Variants in PLEC observed in about 807,000 individuals in gnomAD.
PLEC encodes plectin.
In PLEC, 216 loss-of-function variants were observed where a neutral mutation model predicts 392.8. The observed-to-expected ratio is 0.55, with a 90% CI of 0.49 to 0.62. PLEC has a LOEUF of 0.62. PLEC is among the 20% of genes least tolerant of loss of function. The pLI is 0.00. For missense variants in PLEC, 6,863 were observed against 6,563.4 expected (o/e 1.05, Z -1.58); for synonymous variants, 3,621 against 2,980.6 (o/e 1.21, Z -7.00).
chr8:143,972,541 G>C (rs185179735), intron 1 of PLEC, among the ~76,000 whole-genome samples: 1 of 152,228 alleles, frequency 6.6e-6, no homozygotes, highest in Non-Finnish European at 1.5e-5. Flanking sequence ...GCTGCCCTTG[G>C]GGGCAGAGCC....
At chr8:143,960,326 T>G (rs182509335) in intron 1 of PLEC, among the ~76,000 whole-genome samples, 2 of 149,172 alleles carry the variant, frequency 1.3e-5, no homozygotes. Flanking sequence ...TAAAATAAAA[T>G]AAAAACTTAG....
chr8:143,939,793 C>T (rs1305448416), upstream of PLEC, among the ~76,000 whole-genome samples: 1 of 149,806 alleles, frequency 6.7e-6, no homozygotes, highest in Non-Finnish European at 1.5e-5. Context: ...CCGACCACTG[C>T]AGCCCCCTAG....
upstream of PLEC, chr8:143,942,607 CT>C: frequency 7.1e-7 from 1 of 1,414,212 alleles, no homozygotes; most frequent in Non-Finnish European, 9.3e-7. Flanking sequence ...CGCTGCGAGG[CT>C]GCCGGCTTCG....
chr8:143,970,757 AC>A, intron 1 of PLEC, among the ~76,000 whole-genome samples: 1 of 151,986 alleles, frequency 6.6e-6, no homozygotes, highest in African/African-American at 2.4e-5. Flanking sequence ...GCCCTGCCAC[AC>A]CCACCCCAGG....
chr8:143,948,943 T>G (rs1423789721), intron 1 of PLEC, among the ~76,000 whole-genome samples: 2 of 152,182 alleles, frequency 1.3e-5, no homozygotes, highest in Non-Finnish European at 2.9e-5. Flanking sequence ...AGTCTTTGTC[T>G]CATGCCTCCT....
chr8:143,954,136 G>C (rs1832460323), upstream of PLEC, among the ~76,000 whole-genome samples: 2 of 147,950 alleles, frequency 1.4e-5, no homozygotes, highest in South Asian at 4.3e-4. The surrounding 1 kb of genome is among the most constrained non-coding windows in gnomAD (Gnocchi z 4.6). Flanking sequence ...GCCATGCTTA[G>C]AACAGCCTGT....
rs984387491 is a variant in PLEC at position 143,924,519 on chromosome 8, C to A, written c.5410G>T (p.Ala1804Ser). Residue 1804 changes from alanine (A) to serine (S), a missense_variant, in exon 31 of 32, where the codon GCC becomes TCC. Physicochemically the swap from Ala to Ser is moderately conservative, Grantham distance 99. Transcript: ENST00000345136. ...TCTTCCGCCAGGGCACGCAGGCGGG[C>A]GGCCTCCTCGGCCAGCTCGCGGAAC... ...GRFRELAEEA[A>S]RLRALAEEAK... 1 of 1,535,360 alleles carries A rather than the reference C, an allele frequency of 6.5e-7. No individual in the cohort carries two copies. The highest frequency in any genetic ancestry group is 8.7e-7 in the Non-Finnish European group (1 of 1,147,092).
At position 143,922,103 on chromosome 8, in the gene PLEC, A is replaced by T; in HGVS notation, c.7718T>A (p.Leu2573Gln). The T allele has an allele frequency of 6.4e-7, 1 of 1,559,822 alleles. No individual in the cohort carries two copies. The highest frequency in any genetic ancestry group is 8.6e-7 in the Non-Finnish European group (1 of 1,159,752). The change falls in exon 32 of 32, where the codon CTG (leucine) becomes CAG (glutamine). Residue 2573 changes from leucine (L) to glutamine (Q), a missense_variant. Physicochemically the swap from Leu to Gln is moderately radical, Grantham distance 113 (BLOSUM62 -2). Coordinates refer to ENST00000345136, the MANE Select transcript of PLEC (RefSeq NM_201384.3). ...EEGVRRKQEE[L>Q]QQLEQQRRQQ... is the part of the protein sequence containing the mutation. Reference sequence around the variant, plus strand: ...CCGCCGCTGCTGCTCCAGCTGCTGCAGCTCCTCCTGCTTGCGCCGCACGCC... The same window carrying T: ...CCGCCGCTGCTGCTCCAGCTGCTGCTGCTCCTCCTGCTTGCGCCGCACGCC...
chr8:143,934,982 GC>G (rs782217551), intron 8 of PLEC, 28 bp downstream of exon 8: 1 of 1,611,124 alleles, frequency 6.2e-7, no homozygotes, highest in African/African-American at 1.3e-5. Flanking sequence ...CCAGGCCCAA[GC>G]CCCCTGCCCT....
chr8:143,935,602 G>A (rs572084917), intron 6 of PLEC, among the ~76,000 whole-genome samples: 1 of 152,228 alleles, frequency 6.6e-6, no homozygotes, highest in South Asian at 2.1e-4. Context: ...GTCCACAGAG[G>A]GCACATGCAC....
rs782197467 is a variant in PLEC, at chr8:143,927,849, G to A, written c.3399+5C>T. The A allele has an allele frequency of 4.2e-5, 67 of 1,590,502 alleles. No individual in the cohort carries two copies. Among genetic ancestry groups the A allele is most frequent in the Middle Eastern group, 1.7e-4 (1 of 6,052 alleles). ...CGCCATGAAGCCCAAGCCTCGAAAC[G>A]ATACCTTCAGAGAGGCCTTGGTGGC... is the stretch of plus-strand genomic sequence containing the variant. On this transcript the variant is annotated splice_donor_5th_base_variant and intron_variant, in intron 26 of 31. Coordinates refer to ENST00000345136, the MANE Select transcript of PLEC (RefSeq NM_201384.3).
chr8:143,925,810 C>A lies in PLEC; in HGVS notation c.4119G>T (p.Arg1373=). ...AEVEAALEKQ[R]QLAEAHAQAK... is the part of the protein sequence containing the mutation. ...CCTGGGCGTGCGCCTCGGCCAGCTG[C>A]CGCTGCTTCTCCAGCGCGGCCTCCA... The change falls in exon 31 of 32, where the codon CGG becomes CGT. Residue 1373 remains arginine (R), a synonymous_variant. Coordinates refer to ENST00000345136, the MANE Select transcript of PLEC (RefSeq NM_201384.3). The A allele has an allele frequency of 6.4e-7, 1 of 1,568,144 alleles. No homozygotes were observed. The highest frequency in any genetic ancestry group is 8.6e-7 in the Non-Finnish European group (1 of 1,164,616).
At position 143,920,129 on chromosome 8, in the gene PLEC, C is replaced by G. The variant is rs377610697; in HGVS notation, c.9692G>C (p.Arg3231Pro). ...QEELYSELQA[R>P]ETFEKTPVEV... ...AACCGGGGTCTTTTCAAAGGTCTCA[C>G]GGGCCTGCAGCTCTGAGTAGAGCTC... is the stretch of plus-strand genomic sequence containing the variant. The change falls in exon 32 of 32, where the codon CGT becomes CCT. Residue 3231 changes from arginine (R) to proline (P), a missense_variant. By Grantham distance (103) the Arg-to-Pro change is moderately radical. Coordinates refer to ENST00000345136, the MANE Select transcript of PLEC (RefSeq NM_201384.3). 5 of 1,612,786 alleles carry G rather than the reference C, an allele frequency of 3.1e-6. No individual in the cohort carries two copies. The highest frequency in any genetic ancestry group is 4.2e-6 in the Non-Finnish European group (5 of 1,180,046).
At chr8:143,937,656 G>T in intron 3 of PLEC, 1 of 494,596 alleles carries the variant, frequency 2.0e-6, no homozygotes, top group South Asian at 1.5e-5. Flanking sequence ...GCCAGGCAGG[G>T]GTTGGCCGAC....
chr8:143,939,932 G>A (rs367710408), upstream of PLEC, among the ~76,000 whole-genome samples: 111 of 152,304 alleles, frequency 7.3e-4, 1 homozygote, highest in African/African-American at 2.6e-3. Context: ...CTCCCCCGAC[G>A]GGAGGGGCTC....
At position 143,950,291 on chromosome 8, in the gene PLEC, A is replaced by G. The variant is rs201910266; in HGVS notation, c.416T>C (p.Val139Ala). 1.7e-4 allele frequency: 273 copies of G among 1,570,648 alleles called. No individual in the cohort carries two copies. The African/African-American group carries it at 2.8e-3, about 16-fold the overall frequency. The change falls in exon 1 of 32, where the codon GTC becomes GCC. Residue 139 changes from valine (V) to alanine (A), a missense_variant. Transcript: ENST00000322810. ...CTCCTCAAGCTCCTTCCGACGGTAG[A>G]CCCGCTGCTCCTCCGTCGGCAGCGG...
In PLEC at chr8:143,923,167, G is replaced by A; in HGVS notation, c.6762C>T (p.Leu2254=). 1 of 1,602,598 alleles carries A rather than the reference G, an allele frequency of 6.2e-7. No homozygotes were observed. Among genetic ancestry groups the A allele is most frequent in the Non-Finnish European group, 8.5e-7 (1 of 1,179,884 alleles). Residue 2254 remains leucine (L), a synonymous_variant, in exon 31 of 32, where the codon CTC becomes CTT. Coordinates refer to ENST00000345136, the MANE Select transcript of PLEC (RefSeq NM_201384.3). ...KARIEAENRA[L]ILRDKDNTQR... is the part of the protein sequence containing the mutation. ...GCGTATTGTCCTTGTCACGCAAGAT[G>A]AGTGCGCGGTTCTCAGCCTCGATGC...
Position 143,922,258 on chromosome 8 carries a change from C to T in PLEC, c.7563G>A (p.Gln2521=). The T allele has an allele frequency of 6.3e-7, 1 of 1,599,246 alleles. No homozygotes were observed. Among genetic ancestry groups the T allele is most frequent in the Non-Finnish European group, 8.5e-7 (1 of 1,175,684 alleles). ...QEKAKLEQLF[Q]DEVAKAQQLR... is the part of the protein sequence containing the mutation. ...GCTGCTGTGCCTTGGCCACCTCGTC[C>T]TGGAAGAGCTGCTCCAGCTTGGCCT... The change falls in exon 32 of 32, where the codon CAG becomes CAA. Residue 2521 remains glutamine (Q), a synonymous_variant. Coordinates refer to ENST00000345136, the MANE Select transcript of PLEC (RefSeq NM_201384.3).
intron 8 of PLEC, 33 bp from the exon 9 acceptor site, chr8:143,934,962 G>A (rs549239432): frequency 2.3e-5 from 37 of 1,610,406 alleles, no homozygotes; most frequent in South Asian, 1.6e-4. Context: ...GTCAGGGGTC[G>A]TCGGGGCGTC....
Sources: allele counts gnomAD v4.1 joint callset (sites outside exome capture counted in the v4.1 genomes callset), GRCh38; gene constraint gnomAD v4.1.1; non-coding constraint Gnocchi (gnomAD v3.1); transcripts MANE v1.5; gene names NCBI Gene and HGNC (gene_info 2026-07-23, HGNC 2026-07-21).